Variants in CPA4 observed in about 807,000 individuals in gnomAD.
The protein encoded by CPA4 is carboxypeptidase A3.
A neutral mutation model predicts 54.7 loss-of-function variants in CPA4; 49 were observed. That is an observed-to-expected ratio of 0.90 (90% CI 0.71 to 1.14). CPA4 has a LOEUF of 1.14. Among genes scored for constraint, CPA4 ranks in the 50% most tolerant of loss-of-function variants. The pLI, the probability that CPA4 is intolerant of heterozygous loss-of-function variation, is 0.00. For synonymous variants in CPA4, 215 were observed against 206.8 expected, an observed-to-expected ratio of 1.04 and a Z score of -0.34; for missense variants, 487 against 525.1, an observed-to-expected ratio of 0.93 and a Z score of 0.71.
chr7:130,314,134 C>T (rs1793954636), intron 10 of CPA4, among the ~76,000 whole-genome samples: 1 of 152,200 alleles, frequency 6.6e-6, no homozygotes, highest in African/African-American at 2.4e-5. Context: ...CTGTTTGCTT[C>T]TGGTGATCCT....
At chr7:130,312,292 C>A (rs371522367) in intron 10 of CPA4, among the ~76,000 whole-genome samples, 170 bp downstream of exon 10, 3 of 152,076 alleles carry the variant, frequency 2.0e-5, no homozygotes, top group African/African-American at 7.2e-5. Flanking sequence ...GCATGCAGTC[C>A]CCTTCATCAA....
intron 9 of CPA4, among the ~76,000 whole-genome samples, chr7:130,311,278 A>G (rs1037046912): frequency 7.9e-5 from 12 of 152,126 alleles, no homozygotes; most frequent in Non-Finnish European, 1.2e-4. Flanking sequence ...CTTGCCAAGG[A>G]CTGTGGGTGG....
At chr7:130,294,057 G>T (rs528576046) in intron 1 of CPA4, among the ~76,000 whole-genome samples, 2 of 152,142 alleles carry the variant, frequency 1.3e-5, no homozygotes, top group Non-Finnish European at 2.9e-5. Flanking sequence ...TTTACCATTT[G>T]CAAAGAGCTT....
chr7:130,302,540 C>T (rs1793755207), intron 4 of CPA4, among the ~76,000 whole-genome samples: 1 of 150,882 alleles, frequency 6.6e-6, no homozygotes, highest in African/African-American at 2.4e-5. Flanking sequence ...ACCACTTAGG[C>T]TTTCTTAGGT....
At chr7:130,293,560 C>G (rs779086253) in intron 1 of CPA4, 2 of 286,522 alleles carry the variant, frequency 7.0e-6, no homozygotes, top group Non-Finnish European at 1.3e-5. Context: ...TTATTAATTA[C>G]TAAGAGTTAC....
At chr7:130,302,120 C>A (rs1272167510) in intron 4 of CPA4, among the ~76,000 whole-genome samples, 1 of 152,236 alleles carries the variant, frequency 6.6e-6, no homozygotes, top group African/African-American at 2.4e-5. Context: ...CTGTGACACC[C>A]TCCACTGTGG....
chr7:130,315,899 TA>T (rs1384926207), intron 10 of CPA4, among the ~76,000 whole-genome samples: 1 of 151,964 alleles, frequency 6.6e-6, no homozygotes, highest in Admixed American at 6.6e-5. Context: ...TATGAGAACT[TA>T]TGAAATGTTG....
intron 6 of CPA4, 81 bp from the exon 7 acceptor site, chr7:130,306,706 G>A: frequency 6.1e-6 from 5 of 814,608 alleles, no homozygotes; most frequent in Middle Eastern, 3.2e-4. Flanking sequence ...TGGTTGCTGG[G>A]CATCTTGAGA....
chr7:130,298,586 T>C (rs900737973), intron 1 of CPA4, among the ~76,000 whole-genome samples, 160 bp from the exon 2 acceptor site: 1 of 152,238 alleles, frequency 6.6e-6, no homozygotes, highest in Admixed American at 6.5e-5. Context: ...ATAGTTGCCA[T>C]GTAGCCTCAT....
At chr7:130,321,227 G>A (rs1409259776) in intron 10 of CPA4, among the ~76,000 whole-genome samples, 5 of 152,118 alleles carry the variant, frequency 3.3e-5, no homozygotes, top group Non-Finnish European at 7.4e-5. Flanking sequence ...TCTATGCTTT[G>A]TAATCTTAGG....
chr7:130,300,769 C>A, intron 3 of CPA4, 47 bp from the exon 4 acceptor site: 1 of 1,354,448 alleles, frequency 7.4e-7, no homozygotes, highest in Non-Finnish European at 1.1e-6. Context: ...AAAACATAAA[C>A]CTGCGTCTGC....
intron 7 of CPA4, 44 bp downstream of exon 7, chr7:130,306,941 C>T (rs769777633): frequency 1.9e-6 from 2 of 1,025,640 alleles, no homozygotes; most frequent in Non-Finnish European, 3.1e-6. Flanking sequence ...TGTTGAATTC[C>T]TTGCTTTGCC....
chr7:130,299,495 T>C (rs777832455), intron 3 of CPA4, 91 bp downstream of exon 3: 360 of 1,193,582 alleles, frequency 3.0e-4, no homozygotes, highest in Non-Finnish European at 3.6e-4. Context: ...GTTCTGGTTT[T>C]ATCCTTTTCT....
intron 5 of CPA4, among the ~76,000 whole-genome samples, chr7:130,305,395 C>G (rs1793803527): frequency 6.6e-6 from 1 of 152,234 alleles, no homozygotes; most frequent in Admixed American, 6.5e-5. Flanking sequence ...TTACAAAGAG[C>G]TATAGCGAGC....
intron 10 of CPA4, among the ~76,000 whole-genome samples, chr7:130,321,066 G>A (rs1794088750): frequency 6.6e-6 from 1 of 152,100 alleles, no homozygotes; most frequent in African/African-American, 2.4e-5. Context: ...ATAGTGCTAT[G>A]TGCCTGTAGT....
intron 10 of CPA4, among the ~76,000 whole-genome samples, chr7:130,312,688 C>A (rs1185727736): frequency 6.6e-6 from 1 of 152,118 alleles, no homozygotes; most frequent in Non-Finnish European, 1.5e-5. Flanking sequence ...ACACAAAAAG[C>A]AGCTTAGCAG....
At chr7:130,299,514 G>A (rs1012096729) in intron 3 of CPA4, 110 bp downstream of exon 3, 7 of 1,041,858 alleles carry the variant, frequency 6.7e-6, no homozygotes, top group Middle Eastern at 6.3e-4. Context: ...CTATTTTATA[G>A]ACCAGGAAAT....
intron 2 of CPA4, 60 bp from the exon 3 acceptor site, chr7:130,299,210 C>T: frequency 1.3e-6 from 2 of 1,543,708 alleles, no homozygotes; most frequent in East Asian, 2.2e-5. Flanking sequence ...AGAAGAATAA[C>T]CTCATTGTGC....
chr7:130,309,826 C>T (rs1179824457), intron 8 of CPA4, among the ~76,000 whole-genome samples: 3 of 152,236 alleles, frequency 2.0e-5, no homozygotes, highest in East Asian at 1.9e-4. Context: ...AGTGCAGTGG[C>T]GTGATCATGG....
Sources: gnomAD v4.1 joint callset for allele counts (sites outside exome capture counted in the v4.1 genomes callset) on GRCh38, gnomAD v4.1.1 for gene constraint, MANE v1.5 for transcripts, NCBI Gene and HGNC (gene_info 2026-07-23, HGNC 2026-07-21) for gene names.